The following EPB41L4B variants were observed in gnomAD, a reference collection of about 807,000 sequenced individuals.
EPB41L4B encodes the protein band 4.1-like protein 4B.
EPB41L4B carries 30 observed loss-of-function variants against 112.5 expected under a neutral mutation model. The ratio of observed to expected loss-of-function variants is 0.27; its 90% CI spans 0.20 to 0.36. EPB41L4B has a LOEUF of 0.36. Ranked by LOEUF, EPB41L4B falls within the 10% of genes least tolerant of loss-of-function variation. The pLI is 1.00. For missense variants in EPB41L4B, 1,024 were observed against 1,133.3 expected, an observed-to-expected ratio of 0.90 and a Z score of 1.38; for synonymous variants, 408 against 439.7, an observed-to-expected ratio of 0.93 and a Z score of 0.90.
chr9:109,309,113 A>G (rs1837323881), intron 1 of EPB41L4B, among the ~76,000 whole-genome samples: 4 of 152,188 alleles, frequency 2.6e-5, no homozygotes, highest in Admixed American at 1.3e-4. Flanking sequence ...TTTGTTTAAA[A>G]TAATCAGGAA....
In EPB41L4B at chr9:109,235,832, T is replaced by G. The variant is rs371538032; in HGVS notation, c.1409+7786A>C. ...TTTTGTATATAATGTCATTTATTGA[T>G]AATTCTCTTATCAGTGAGATACTGG... On this transcript the variant is annotated intron_variant, in intron 15 of 25. Coordinates refer to ENST00000374566, the MANE Select transcript of EPB41L4B (RefSeq NM_019114.5). Among the ~76,000 whole-genome samples, 18 of 152,354 alleles carry G rather than the reference T, an allele frequency of 1.2e-4. No individual in the cohort carries two copies. The East Asian group carries it at 3.5e-3, about 29-fold the overall frequency.
intron 1 of EPB41L4B, among the ~76,000 whole-genome samples, chr9:109,299,588 A>C (rs986818928): frequency 6.6e-6 from 1 of 152,044 alleles, no homozygotes; most frequent in Non-Finnish European, 1.5e-5. Context: ...ATGTGCAGCA[A>C]GTTTTGTTTT....
At chr9:109,271,675 T>C (rs1835625959) in intron 2 of EPB41L4B, among the ~76,000 whole-genome samples, 1 of 152,210 alleles carries the variant, frequency 6.6e-6, no homozygotes. Context: ...GATGTTCACC[T>C]GTGTCTTGGC....
intron 1 of EPB41L4B, chr9:109,307,285 A>C: frequency 2.1e-6 from 1 of 482,394 alleles, no homozygotes; most frequent in Non-Finnish European, 4.1e-6. Context: ...TTTAGAATAA[A>C]GCTAAATACC....
intron 14 of EPB41L4B, among the ~76,000 whole-genome samples, chr9:109,245,088 T>C (rs1220397674): frequency 6.6e-6 from 1 of 152,216 alleles, no homozygotes; most frequent in African/African-American, 2.4e-5. Context: ...AGTAGCAGGA[T>C]CTGGGAGCTG....
chr9:109,269,630 A>T (rs1399685922), intron 2 of EPB41L4B, among the ~76,000 whole-genome samples: 2 of 152,130 alleles, frequency 1.3e-5, no homozygotes, highest in African/African-American at 4.8e-5. Context: ...AATATAAATT[A>T]TTTTTTTAAA....
intron 1 of EPB41L4B, among the ~76,000 whole-genome samples, chr9:109,289,978 C>A (rs1381658258): frequency 1.3e-5 from 2 of 152,200 alleles, no homozygotes; most frequent in East Asian, 3.8e-4. Context: ...ATCTGCTAAG[C>A]AGGTCTGACG....
rs1055432870 is a variant in EPB41L4B at position 109,187,673 on chromosome 9, C to T, written c.2302-2068G>A. ...GGGGACCCAGGCCACTGGGTCTTTTCTTCTCTGATGATAGCAGGCACGCAA... is the reference window on the plus strand; with the variant it reads ...GGGGACCCAGGCCACTGGGTCTTTTTTTCTCTGATGATAGCAGGCACGCAA... On this transcript the variant is annotated intron_variant, in intron 22 of 25. Coordinates refer to ENST00000374566, the MANE Select transcript of EPB41L4B (RefSeq NM_019114.5). Among the ~76,000 whole-genome samples, 4 of 152,308 alleles carry T rather than the reference C, an allele frequency of 2.6e-5. No individual in the cohort carries two copies. In the South Asian group the frequency reaches 8.3e-4, roughly 32 times the overall value.
rs1332325974 is a variant in EPB41L4B, at chr9:109,174,516, A to C, written c.*38T>G. The stretch of plus-strand genomic sequence containing the variant: ...AGCCCGAAGAAAGAAGACGGACAGA[A>C]GGCACCATGCCATCTTCCAGGTGAC... On this transcript the variant is annotated 3_prime_UTR_variant, in exon 26 of 26. Transcript: ENST00000374566. 6.4e-7 allele frequency: 1 copy of C among 1,555,854 alleles called. No individual in the cohort carries two copies.
chr9:109,247,874 T>C (rs1012978839), intron 13 of EPB41L4B, 85 bp from the exon 14 acceptor site: 100 of 1,121,222 alleles, frequency 8.9e-5, no homozygotes, highest in Admixed American at 7.6e-4. Context: ...TTAACAATCA[T>C]GAACTATTCC....
chr9:109,215,950 C>T (rs1198680793), intron 16 of EPB41L4B, among the ~76,000 whole-genome samples: 1 of 151,982 alleles, frequency 6.6e-6, no homozygotes, highest in Admixed American at 6.6e-5. Context: ...CATGGCAAGA[C>T]CCTGTCATAA....
chr9:109,300,181 G>GGGCAGAGAATACC (rs1836905595), intron 1 of EPB41L4B: 1 of 152,278 alleles, frequency 6.6e-6, no homozygotes. Context: ...GTCACCGACA[G>GGGCAGAGAATACC]GGCAGAGAAT....
intron 5 of EPB41L4B, among the ~76,000 whole-genome samples, chr9:109,263,949 G>T (rs1049022916): frequency 4.6e-5 from 7 of 152,132 alleles, no homozygotes; most frequent in African/African-American, 1.4e-4. Flanking sequence ...ACAAATGCAA[G>T]GTGTTGCCAT....
chr9:109,234,203 A>C (rs1020473961), intron 15 of EPB41L4B, among the ~76,000 whole-genome samples: 1 of 152,188 alleles, frequency 6.6e-6, no homozygotes, highest in African/African-American at 2.4e-5. Context: ...GGGAGTATAA[A>C]CAGGTGGAAT....
chr9:109,215,439 C>G (rs1450523127), intron 16 of EPB41L4B, among the ~76,000 whole-genome samples: 1 of 152,020 alleles, frequency 6.6e-6, no homozygotes, highest in African/African-American at 2.4e-5. Context: ...GCCACCAGGC[C>G]CAGCTAATTT....
chr9:109,241,827 C>T (rs777432211), intron 15 of EPB41L4B: 19 of 1,613,282 alleles, frequency 1.2e-5, no homozygotes, highest in East Asian at 8.9e-5. Context: ...GTTTGCAGAG[C>T]GAATGGTTAG....
intron 15 of EPB41L4B, among the ~76,000 whole-genome samples, chr9:109,222,549 T>G (rs1833616626): frequency 6.6e-6 from 1 of 152,202 alleles, no homozygotes; most frequent in African/African-American, 2.4e-5. Context: ...GGTCCAGCAG[T>G]ACTCAGAGAC....
Position 109,192,310 on chromosome 9 carries a change from G to T in EPB41L4B, c.2269C>A (p.Leu757Ile). ...GTGGCTTCTGTGAAATCCATCAGAA[G>T]ATCACCCGGCTCCAGGGTAAAGGCA... ...GGAFTLEPGD[L>I]LMDFTEATPL... Residue 757 changes from leucine to isoleucine, a missense_variant, in exon 22 of 26, where the codon CTT becomes ATT. Leu to Ile is a conservative substitution (Grantham distance 5). Coordinates refer to ENST00000374566, the MANE Select transcript of EPB41L4B (RefSeq NM_019114.5). 1 of 1,612,398 alleles carries T rather than the reference G, an allele frequency of 6.2e-7. No individual in the cohort carries two copies. Among genetic ancestry groups the T allele is most frequent in the Non-Finnish European group, 8.5e-7 (1 of 1,179,318 alleles).
At chr9:109,215,231 T>C (rs74640752) in intron 16 of EPB41L4B, among the ~76,000 whole-genome samples, 13,648 of 152,154 alleles carry the variant, frequency 0.09, 879 homozygotes, top group African/African-American at 0.18. Flanking sequence ...GGGAACTCAG[T>C]TCAAGGGTAA....
Sources: allele counts gnomAD v4.1 joint callset (sites outside exome capture counted in the v4.1 genomes callset), GRCh38; gene constraint gnomAD v4.1.1; transcripts MANE v1.5; gene names NCBI Gene and HGNC (gene_info 2026-07-23, HGNC 2026-07-21).